Variants in DMD observed in about 807,000 individuals in gnomAD.
DMD encodes mutant dystrophin.
DMD carries 63 observed loss-of-function variants against 330.1 expected under a neutral mutation model. The observed-to-expected ratio is 0.19, with a 90% confidence interval of 0.16 to 0.24. The LOEUF is 0.24. Ranked by LOEUF, DMD falls within the 10% of genes least tolerant of loss-of-function variation. The pLI, the probability that DMD is intolerant of heterozygous loss-of-function variation, is 1.00. For synonymous variants in DMD, 1,223 were observed against 959.8 expected, an observed-to-expected ratio of 1.27 and a Z score of -5.07; for missense variants, 3,344 against 2,684.1, an observed-to-expected ratio of 1.25 and a Z score of -5.43.
chrX:31,761,828 T>C (rs2089615272), intron 51 of DMD, among the ~76,000 whole-genome samples: 3 of 112,293 alleles, frequency 2.7e-5, no homozygotes, highest in Admixed American at 9.4e-5. Context: ...TCACATCATA[T>C]TTAGCTAAGT....
chrX:32,826,351 A>C (rs1569529643), intron 4 of DMD, among the ~76,000 whole-genome samples: 1 of 112,035 alleles, frequency 8.9e-6, no homozygotes, highest in Non-Finnish European at 1.9e-5. Context: ...TTCCAAAGGA[A>C]ACAAATCAAT....
chrX:32,603,949 T>C (rs893537064), intron 12 of DMD, among the ~76,000 whole-genome samples: 3 of 111,066 alleles, frequency 2.7e-5, no homozygotes. Flanking sequence ...AATCCTATTG[T>C]AACTGTTGCA....
At chrX:32,478,071 A>G (rs1255415714) in intron 21 of DMD, among the ~76,000 whole-genome samples, 1 of 111,991 alleles carries the variant, frequency 8.9e-6, no homozygotes, top group Non-Finnish European at 1.9e-5. Context: ...TATATGGCTC[A>G]CATTATTTTT....
intron 1 of DMD, among the ~76,000 whole-genome samples, chrX:33,048,413 G>A (rs1055524124): frequency 9.0e-6 from 1 of 110,672 alleles, no homozygotes; most frequent in East Asian, 2.8e-4. Context: ...AATTCGACTG[G>A]GAGCGGTGGC....
chrX:32,809,699 T>A, intron 6 of DMD, 88 bp from the exon 7 acceptor site: 7 of 791,828 alleles, frequency 8.8e-6, no homozygotes, highest in Non-Finnish European at 1.3e-5. Context: ...TGCTTAATTT[T>A]CATTGACAAC....
intron 2 of DMD, among the ~76,000 whole-genome samples, chrX:32,903,789 A>C (rs1250537109): frequency 8.9e-6 from 1 of 111,863 alleles, no homozygotes; most frequent in Non-Finnish European, 1.9e-5. Flanking sequence ...CTGAAGATCT[A>C]AAGTGAAGCC....
At chrX:32,258,687 T>C (rs1335946244) in intron 43 of DMD, among the ~76,000 whole-genome samples, 1 of 110,122 alleles carries the variant, frequency 9.1e-6, no homozygotes, top group African/African-American at 3.3e-5. Context: ...AGGGGAGGGA[T>C]AGCATTAGGA....
chrX:32,267,266 T>C (rs185817709), intron 43 of DMD, among the ~76,000 whole-genome samples: 3 of 112,289 alleles, frequency 2.7e-5, no homozygotes, highest in East Asian at 5.6e-4. Flanking sequence ...TCTTTATACA[T>C]TTCAAAAGCT....
At chrX:32,560,378 G>C (rs1427935964) in intron 16 of DMD, among the ~76,000 whole-genome samples, 1 of 111,056 alleles carries the variant, frequency 9.0e-6, no homozygotes, top group Non-Finnish European at 1.9e-5. Flanking sequence ...AATGAGGAAA[G>C]TAATGCTTCA....
intron 62 of DMD, 146 bp downstream of exon 62, chrX:31,323,452 A>C (rs1295637746): frequency 9.2e-6 from 5 of 541,875 alleles, no homozygotes; most frequent in Non-Finnish European, 1.5e-5. Flanking sequence ...TTTTAGAATA[A>C]GTTTTTTATC....
At chrX:31,827,270 T>C (rs1175816458) in intron 49 of DMD, among the ~76,000 whole-genome samples, 1 of 112,075 alleles carries the variant, frequency 8.9e-6, no homozygotes. Context: ...GGAGTAGCTA[T>C]TCTTATATCA....
intron 1 of DMD, among the ~76,000 whole-genome samples, chrX:33,070,556 A>T (rs949037076): frequency 1.3e-4 from 14 of 107,827 alleles, no homozygotes; most frequent in Admixed American, 2.0e-4. Flanking sequence ...GAAAAAAATT[A>T]AAAAAGAGTA....
At chrX:32,160,265 A>G (rs1811485583) in intron 44 of DMD, among the ~76,000 whole-genome samples, 1 of 104,910 alleles carries the variant, frequency 9.5e-6, no homozygotes, top group African/African-American at 3.5e-5. Context: ...ACAGGGTCTC[A>G]CTCTGTCATG....
At chrX:31,680,593 G>A (rs990134772) in intron 52 of DMD, among the ~76,000 whole-genome samples, 1 of 109,341 alleles carries the variant, frequency 9.1e-6, no homozygotes, top group African/African-American at 3.3e-5. Flanking sequence ...GGCCGGGCTG[G>A]TCTCAAACTC....
At chrX:32,601,331 T>A (rs1460479440) in intron 12 of DMD, among the ~76,000 whole-genome samples, 1 of 111,930 alleles carries the variant, frequency 8.9e-6, no homozygotes, top group African/African-American at 3.2e-5. Flanking sequence ...CTTACTTAAA[T>A]GTGATTGAAT....
At chrX:32,742,827 T>C (rs977461623) in intron 7 of DMD, among the ~76,000 whole-genome samples, 4 of 111,967 alleles carry the variant, frequency 3.6e-5, no homozygotes, top group South Asian at 3.7e-4. Context: ...TTCTGTAAAA[T>C]TGTTACATGA....
intron 1 of DMD, among the ~76,000 whole-genome samples, chrX:33,113,019 G>A (rs1026594458): frequency 2.8e-5 from 3 of 107,945 alleles, no homozygotes; most frequent in African/African-American, 1.0e-4. Context: ...GCTGGATACC[G>A]TCCATTGTAT....
intron 55 of DMD, among the ~76,000 whole-genome samples, chrX:31,622,091 G>T: frequency 9.0e-6 from 1 of 111,444 alleles, no homozygotes; most frequent in Non-Finnish European, 1.9e-5. Context: ...GAGTTTCCTG[G>T]CCTCTTTGGA....
intron 48 of DMD, among the ~76,000 whole-genome samples, chrX:31,869,592 C>T (rs773186561): frequency 9.2e-6 from 1 of 108,409 alleles, no homozygotes; most frequent in African/African-American, 3.4e-5. Flanking sequence ...CGTGACTGCC[C>T]ATATTATTAC....
Sources: allele counts gnomAD v4.1 joint callset (sites outside exome capture counted in the v4.1 genomes callset), GRCh38; gene constraint gnomAD v4.1.1; transcripts MANE v1.5; gene names NCBI Gene and HGNC (gene_info 2026-07-23, HGNC 2026-07-21).